PACS2: variants seen among roughly 807,000 people sequenced by gnomAD.
PACS2 encodes the protein PACS1-like protein.
A neutral mutation model predicts 113.0 loss-of-function variants in PACS2; 36 were observed. That is an observed-to-expected ratio of 0.32 (90% CI 0.24 to 0.42). The LOEUF (loss-of-function observed/expected upper bound fraction) is 0.42. Ranked by LOEUF, PACS2 falls within the 10% of genes least tolerant of loss-of-function variation. PACS2 has a pLI of 1.00. For missense variants in PACS2, 1,015 were observed against 1,239.5 expected (o/e 0.82, Z 2.72); for synonymous variants, 589 against 536.1 (o/e 1.10, Z -1.36).
In PACS2 at chr14:105,380,981, C is replaced by A. The variant is rs782701010; in HGVS notation, c.1150C>A (p.Pro384Thr). 1.1e-5 allele frequency: 18 copies of A among 1,612,158 alleles called. No homozygotes were observed. Among genetic ancestry groups the A allele is most frequent in the East Asian group, 8.9e-5 (4 of 44,874 alleles). Residue 384 changes from proline to threonine, a missense_variant, in exon 12 of 25, where the codon CCT becomes ACT. Pro to Thr is a conservative substitution (Grantham distance 38, BLOSUM62 -1). Around this residue, in one of 3 missense-constraint regions of PACS2, gnomAD observed 859 missense variants for 1,056.8 expected, o/e 0.81. Coordinates refer to ENST00000447393, the MANE Select transcript of PACS2 (RefSeq NM_001100913.3). ...GGGTGTGCCAGGCCCGAGGGAGCAC[C>A]CTGGACAGCCTGAGGACAGCCCCGA... ...ALGVPGPREH[P>T]GQPEDSPEAE...
At chr14:105,385,631 G>T (rs2081150878) in intron 18 of PACS2, 54 bp from the exon 19 acceptor site, 2 of 1,373,524 alleles carry the variant, frequency 1.5e-6, no homozygotes, top group Non-Finnish European at 9.8e-7. Flanking sequence ...CCCTGGAGGG[G>T]TCCTGAGGGC....
intron 19 of PACS2, chr14:105,389,723 T>C: frequency 1.7e-6 from 1 of 578,484 alleles, no homozygotes; most frequent in Non-Finnish European, 3.1e-6. Context: ...CCCTTTGTCC[T>C]TCCAGCATGT....
rs762259147 is a variant in PACS2 at position 105,366,571 on chromosome 14, C to T, written c.424-642C>T. On this transcript the variant is annotated intron_variant, in intron 4 of 24. Transcript: ENST00000447393. The surrounding 1 kb of genome is among the most constrained non-coding windows in gnomAD (Gnocchi z 4.3). ...GGGGCCGGGGCTTGTTCTGCAGCTCCGTGGTTTGAGTGCCTCACAACAGAG... is the reference window on the plus strand; with the variant it reads ...GGGGCCGGGGCTTGTTCTGCAGCTCTGTGGTTTGAGTGCCTCACAACAGAG... Among the ~76,000 whole-genome samples the T allele has an allele frequency of 6.6e-6, 1 of 152,066 alleles. No homozygotes were observed. Among genetic ancestry groups the T allele is most frequent in the Non-Finnish European group, 1.5e-5 (1 of 68,024 alleles).
At chr14:105,304,114 A>C (rs2058109492) in intron 1 of PACS2, among the ~76,000 whole-genome samples, 1 of 152,236 alleles carries the variant, frequency 6.6e-6, no homozygotes, top group Non-Finnish European at 1.5e-5. Flanking sequence ...CAGGCAGTAC[A>C]GGACAGTCAG....
chr14:105,301,964 C>T (rs2058046364), intron 1 of PACS2, among the ~76,000 whole-genome samples: 1 of 152,098 alleles, frequency 6.6e-6, no homozygotes, highest in African/African-American at 2.4e-5. Context: ...TGGCGAAACC[C>T]CGTCTCCACT....
Position 105,365,225 on chromosome 14 carries a change from A to C in PACS2, c.424-1988A>C, listed in dbSNP as rs2060902085. The stretch of plus-strand genomic sequence containing the variant: ...GGAATGGCCACAGTCCAGGACAGTG[A>C]CCTGCCGGCCAGCATCACCCCAGGG... On this transcript the variant is annotated intron_variant, in intron 4 of 24. Transcript: ENST00000447393. The surrounding 1 kb of genome is among the most constrained non-coding windows in gnomAD (Gnocchi z 5.1). Among the ~76,000 whole-genome samples the C allele has an allele frequency of 6.6e-6, 1 of 152,148 alleles. No individual in the cohort carries two copies. The highest frequency in any genetic ancestry group is 6.5e-5 in the Admixed American group (1 of 15,290).
rs909152622 is a variant in PACS2 at position 105,350,046 on chromosome 14, C to T, written c.207+1466C>T. Among the ~76,000 whole-genome samples, 9 of 149,678 alleles carry T rather than the reference C, an allele frequency of 6.0e-5. No homozygotes were observed. The South Asian group carries it at 6.3e-4, about 10-fold the overall frequency. ...GGGAGCGCGTGGCTAATAGCAGGAC[C>T]CCAAGAACTTCCAGGAGTGCGTGGC... On this transcript the variant is annotated intron_variant, in intron 2 of 24. Transcript: ENST00000447393.
chr14:105,383,975 C>T, intron 16 of PACS2: 1 of 299,470 alleles, frequency 3.3e-6, no homozygotes, highest in Non-Finnish European at 6.3e-6. Context: ...TACCACGAAA[C>T]AAACCCACCC....
Position 105,324,812 on chromosome 14 carries a change from C to T in PACS2, c.119+9775C>T, listed in dbSNP as rs587728896. ...CTCTCAGGCCCGGGACATTCATGGC[C>T]GTAGCCCCAGGTCCTCTGCATGGTC... On this transcript the variant is annotated intron_variant, in intron 1 of 24. Coordinates refer to ENST00000447393, the MANE Select transcript of PACS2 (RefSeq NM_001100913.3). The surrounding 1 kb of genome is among the most constrained non-coding windows in gnomAD (Gnocchi z 4.7). 1.1e-4 allele frequency among the ~76,000 whole-genome samples: 16 copies of T among 152,270 alleles called. No individual in the cohort carries two copies. Among genetic ancestry groups the T allele is most frequent in the African/African-American group, 3.4e-4 (14 of 41,554 alleles).
At chr14:105,326,644 C>T (rs1040027674) in intron 1 of PACS2, among the ~76,000 whole-genome samples, 5 of 152,222 alleles carry the variant, frequency 3.3e-5, no homozygotes, top group South Asian at 4.1e-4. Context: ...TGAGGCCCCT[C>T]GGTCTGGCCT....
chr14:105,386,942 G>C (rs1348540526), intron 19 of PACS2, among the ~76,000 whole-genome samples: 1 of 152,182 alleles, frequency 6.6e-6, no homozygotes, highest in Admixed American at 6.5e-5. Flanking sequence ...CCGCCCGGCC[G>C]CCGCAGGCCG....
rs587758239 is a variant in PACS2, at chr14:105,330,071, G to A, written c.119+15034G>A. 1.7e-4 allele frequency among the ~76,000 whole-genome samples: 26 copies of A among 152,060 alleles called. No individual in the cohort carries two copies. The highest frequency in any genetic ancestry group is 6.3e-4 in the African/African-American group (26 of 41,448). ...AGCCTCCGAGAAGCCTGGGGTCCATGTGTGGGAAGGAACGGGGACAGGGAG... is the reference window on the plus strand; with the variant it reads ...AGCCTCCGAGAAGCCTGGGGTCCATATGTGGGAAGGAACGGGGACAGGGAG... On this transcript the variant is annotated intron_variant, in intron 1 of 24. Transcript: ENST00000447393. The surrounding 1 kb of genome is among the most constrained non-coding windows in gnomAD (Gnocchi z 6.9).
intron 1 of PACS2, among the ~76,000 whole-genome samples, chr14:105,343,511 G>A (rs782365108): frequency 1.3e-5 from 2 of 152,114 alleles, no homozygotes; most frequent in Non-Finnish European, 2.9e-5. Context: ...TTGCTTCCTC[G>A]CCAGCATTTG....
At chr14:105,367,625 C>G (rs1393717581) in intron 5 of PACS2, among the ~76,000 whole-genome samples, 1 of 152,372 alleles carries the variant, frequency 6.6e-6, no homozygotes, top group African/African-American at 2.4e-5. Flanking sequence ...CCTGAGTGTC[C>G]TCAAAAAGGA....
intron 1 of PACS2, among the ~76,000 whole-genome samples, chr14:105,347,958 G>A (rs902633372): frequency 3.3e-5 from 5 of 152,204 alleles, no homozygotes; most frequent in South Asian, 2.1e-4. Flanking sequence ...TGTCCCTGGC[G>A]TCTCCAGCAC....
chr14:105,368,190 C>A (rs375258676), intron 6 of PACS2, 43 bp downstream of exon 6: 2 of 1,404,644 alleles, frequency 1.4e-6, no homozygotes, highest in Admixed American at 3.4e-5. Context: ...TGGCTCACAC[C>A]GGGTGTCCTG....
At chr14:105,344,911 C>T (rs1469948596) in intron 1 of PACS2, among the ~76,000 whole-genome samples, 2 of 150,924 alleles carry the variant, frequency 1.3e-5, no homozygotes, top group African/African-American at 4.9e-5. Context: ...AGTTCGAGAC[C>T]AGCCTGGCCA....
intron 21 of PACS2, 102 bp from the exon 22 acceptor site, chr14:105,391,529 C>T: frequency 1.1e-6 from 1 of 878,300 alleles, no homozygotes; most frequent in Admixed American, 2.5e-5. Flanking sequence ...CTGCCCACCC[C>T]CAGGAGCTGC....
chr14:105,367,083 G>A (rs2060967269), intron 4 of PACS2, 130 bp from the exon 5 acceptor site: 14 of 765,668 alleles, frequency 1.8e-5, no homozygotes, highest in Middle Eastern at 2.9e-4. Flanking sequence ...CTGCCCTGTG[G>A]CTGCCCTGCT....
Sources: gnomAD v4.1 joint callset for allele counts (sites outside exome capture counted in the v4.1 genomes callset) on GRCh38, gnomAD v4.1.1 for gene constraint, gnomAD v4.1.1 regional missense constraint, Gnocchi (gnomAD v3.1) non-coding constraint, MANE v1.5 for transcripts, NCBI Gene and HGNC (gene_info 2026-07-23, HGNC 2026-07-21) for gene names.